CPED1: variants seen among roughly 807,000 people sequenced by gnomAD.
CPED1 encodes the protein cadherin-like and PC-esterase domain-containing protein 1.
A neutral mutation model predicts 128.2 loss-of-function variants in CPED1; 114 were observed. The observed-to-expected ratio is 0.89, with a 90% CI of 0.76 to 1.04. The LOEUF (loss-of-function observed/expected upper bound fraction) is 1.04. Among genes scored for constraint, CPED1 ranks in the 50% least tolerant of loss-of-function variants. The pLI, the probability that CPED1 is intolerant of heterozygous loss-of-function variation, is 0.00. For synonymous variants in CPED1, 462 were observed against 426.7 expected (o/e 1.08, Z -1.02); for missense variants, 1,211 against 1,207.1 (o/e 1.00, Z -0.05).
At chr7:121,179,682 TG>T (rs1156918666) in intron 16 of CPED1, among the ~76,000 whole-genome samples, 1 of 152,108 alleles carries the variant, frequency 6.6e-6, no homozygotes, top group Admixed American at 6.6e-5. Context: ...AACAGCTCAA[TG>T]GTAATGACTT....
intron 16 of CPED1, among the ~76,000 whole-genome samples, chr7:121,226,805 A>C (rs1312283080): frequency 6.6e-6 from 1 of 152,126 alleles, no homozygotes; most frequent in East Asian, 1.9e-4. Flanking sequence ...ATTTATTGCT[A>C]ATGTAAACAT....
intron 16 of CPED1, among the ~76,000 whole-genome samples, chr7:121,198,823 A>G (rs1797325852): frequency 6.6e-6 from 1 of 152,154 alleles, no homozygotes. Flanking sequence ...CGGTAACTGA[A>G]TACACTGTCT....
chr7:121,123,653 G>C (rs1162186001), intron 7 of CPED1, among the ~76,000 whole-genome samples: 1 of 152,060 alleles, frequency 6.6e-6, no homozygotes, highest in Non-Finnish European at 1.5e-5. Flanking sequence ...TAACAATTGT[G>C]TTTTTAAGAT....
intron 16 of CPED1, among the ~76,000 whole-genome samples, chr7:121,208,014 C>T: frequency 6.6e-6 from 1 of 151,912 alleles, no homozygotes; most frequent in East Asian, 1.9e-4. Flanking sequence ...TTACAATAGC[C>T]TCCTAACTCA....
At chr7:121,040,861 C>T (rs1189418439) in intron 3 of CPED1, among the ~76,000 whole-genome samples, 3 of 152,042 alleles carry the variant, frequency 2.0e-5, no homozygotes, top group East Asian at 1.9e-4. Flanking sequence ...TGAGGCTTGG[C>T]TTTTGTAGCT....
At chr7:121,210,104 A>G (rs564197608) in intron 16 of CPED1, among the ~76,000 whole-genome samples, 2 of 152,212 alleles carry the variant, frequency 1.3e-5, no homozygotes, top group Admixed American at 6.6e-5. Context: ...CAAAGCTACA[A>G]TGAGCTATCA....
At chr7:121,003,081 C>T (rs969077925) in intron 2 of CPED1, among the ~76,000 whole-genome samples, 1 of 152,138 alleles carries the variant, frequency 6.6e-6, no homozygotes, top group Non-Finnish European at 1.5e-5. Flanking sequence ...AAGTTCATTG[C>T]GTATTCAGTA....
In CPED1 at chr7:121,199,697, AAAAG is replaced by A. The variant is rs71170232; in HGVS notation, c.2056-36997_2056-36994del. Reference sequence around the variant, plus strand: ...TCAAAAAAAAAAAAAAAAAAAAAAAAAAAGAAAGAAAGAAAGAAAGAAAAGAAAA... The same window carrying A: ...TCAAAAAAAAAAAAAAAAAAAAAAAAAAAGAAAGAAAGAAAGAAAAGAAAA... On this transcript the variant is annotated intron_variant, in intron 16 of 22. Transcript: ENST00000310396. 1.2e-4 allele frequency among the ~76,000 whole-genome samples: 5 copies of A among 41,768 alleles called. No individual in the cohort carries two copies. The South Asian group carries it at 5.3e-3, about 44-fold the overall frequency. 27.4% of individuals were successfully genotyped at this position (41,768 alleles called of 152,430 possible). A position where few individuals can be genotyped will look rare whatever the true frequency, so the allele number is the denominator to read the frequency against.
intron 16 of CPED1, among the ~76,000 whole-genome samples, chr7:121,162,581 C>T (rs1796436082): frequency 6.6e-6 from 1 of 152,158 alleles, no homozygotes; most frequent in South Asian, 2.1e-4. Context: ...AAAAAACCTA[C>T]TTTGATTTGT....
intron 16 of CPED1, among the ~76,000 whole-genome samples, chr7:121,152,400 CAGGG>C (rs1177899304): frequency 6.6e-6 from 1 of 152,174 alleles, no homozygotes; most frequent in Non-Finnish European, 1.5e-5. Flanking sequence ...TAAGAAATAA[CAGGG>C]AGGGAGAAAT....
At chr7:121,099,083 A>G (rs1226477015) in intron 6 of CPED1, among the ~76,000 whole-genome samples, 1 of 150,804 alleles carries the variant, frequency 6.6e-6, no homozygotes, top group African/African-American at 2.4e-5. Context: ...GGGAGTAGGG[A>G]CATTAGGTAA....
chr7:121,183,103 G>A (rs544107710), intron 16 of CPED1, among the ~76,000 whole-genome samples: 12 of 152,158 alleles, frequency 7.9e-5, no homozygotes, highest in South Asian at 4.1e-4. Flanking sequence ...ATTATGTGCT[G>A]TAGAACCTAC....
chr7:121,176,098 G>T (rs532228001), intron 16 of CPED1, among the ~76,000 whole-genome samples: 6 of 150,750 alleles, frequency 4.0e-5, no homozygotes, highest in Admixed American at 6.6e-5. Context: ...AATACTAGCA[G>T]GACTCTGGCC....
chr7:121,142,222 T>C (rs1795922223), intron 16 of CPED1, 81 bp downstream of exon 16: 2 of 1,271,226 alleles, frequency 1.6e-6, no homozygotes, highest in Admixed American at 2.2e-5. Context: ...ATGAAAATTA[T>C]TACAAGAAAT....
At chr7:121,268,560 T>C (rs1792176089) in intron 21 of CPED1, among the ~76,000 whole-genome samples, 1 of 152,098 alleles carries the variant, frequency 6.6e-6, no homozygotes, top group Non-Finnish European at 1.5e-5. Flanking sequence ...CTTCTCATCA[T>C]GTGCTCATAT....
intron 13 of CPED1, among the ~76,000 whole-genome samples, chr7:121,134,654 A>G (rs959101060): frequency 3.3e-5 from 5 of 152,112 alleles, no homozygotes; most frequent in African/African-American, 9.7e-5. Context: ...AGCCACATTT[A>G]TTCATTACAC....
intron 18 of CPED1, among the ~76,000 whole-genome samples, chr7:121,253,971 T>G (rs181520624): frequency 2.0e-5 from 3 of 152,144 alleles, no homozygotes; most frequent in Admixed American, 2.0e-4. Flanking sequence ...AGTGGGAGAC[T>G]TTAACACCCC....
chr7:121,231,143 A>G (rs1467944167), intron 16 of CPED1, among the ~76,000 whole-genome samples: 5 of 152,094 alleles, frequency 3.3e-5, no homozygotes, highest in Non-Finnish European at 7.4e-5. Context: ...AAGGCTGGGT[A>G]ACAGAAAGAA....
In CPED1 at chr7:120,988,724, G is replaced by C. The variant is rs952118279; in HGVS notation, c.-420G>C. Reference sequence around the variant, plus strand: ...GATGCCGAGGTCCTCTGCTCCCGCCGGGCGTGCAGCGGGCGCGCGCGCGTG... The same window carrying C: ...GATGCCGAGGTCCTCTGCTCCCGCCCGGCGTGCAGCGGGCGCGCGCGCGTG... On this transcript the variant is annotated 5_prime_UTR_variant, in exon 1 of 23. Transcript: ENST00000310396. The C allele has an allele frequency of 6.6e-6, 1 of 152,362 alleles. No homozygotes were observed. The highest frequency in any genetic ancestry group is 6.5e-5 in the Admixed American group (1 of 15,284). 9.4% of individuals were successfully genotyped at this position (152,362 alleles called of 1,614,324 possible).
Sources: gnomAD v4.1 joint callset for allele counts (sites outside exome capture counted in the v4.1 genomes callset) on GRCh38, gnomAD v4.1.1 for gene constraint, MANE v1.5 for transcripts, NCBI Gene and HGNC (gene_info 2026-07-23, HGNC 2026-07-21) for gene names.